Variants in DGKB observed in about 807,000 individuals in gnomAD.
The protein encoded by DGKB is 90 kDa diacylglycerol kinase.
Under a neutral mutation model 114.3 loss-of-function variants are expected in DGKB, and 67 were observed. That is an observed-to-expected ratio of 0.59 (90% CI 0.48 to 0.72). DGKB has a LOEUF of 0.72. Among genes scored for constraint, DGKB ranks in the 30% least tolerant of loss-of-function variants. DGKB has a pLI of 0.00. For missense variants in DGKB, 907 were observed against 975.2 expected (o/e 0.93, Z 0.93); for synonymous variants, 398 against 323.1 (o/e 1.23, Z -2.49).
rs188387918 is a variant in DGKB at position 14,844,974 on chromosome 7, G to T, written c.-187-3524C>A. Among the ~76,000 whole-genome samples, 7 of 152,036 alleles carry T rather than the reference G, an allele frequency of 4.6e-5. 1 individual carries two copies. The highest frequency in any genetic ancestry group is 1.7e-4 in the African/African-American group (7 of 41,472). On this transcript the variant is annotated intron_variant, in intron 1 of 25. Coordinates refer to ENST00000402815, the MANE Select transcript of DGKB (RefSeq NM_001350709.2). ...ATACAAAAATTAGCTGGGCATGGTAGCATGTGCCTGTAGTCCCAGCTACTC... is the reference window on the plus strand; with the variant it reads ...ATACAAAAATTAGCTGGGCATGGTATCATGTGCCTGTAGTCCCAGCTACTC...
At chr7:14,248,157 C>A (rs994581929) in intron 23 of DGKB, among the ~76,000 whole-genome samples, 1 of 152,014 alleles carries the variant, frequency 6.6e-6, no homozygotes, top group African/African-American at 2.4e-5. Flanking sequence ...ATCAATTGAC[C>A]ACAAATGAGT....
intron 20 of DGKB, among the ~76,000 whole-genome samples, chr7:14,559,035 CT>C (rs1423738035): frequency 6.6e-6 from 1 of 152,180 alleles, no homozygotes; most frequent in Non-Finnish European, 1.5e-5. Flanking sequence ...AAATATTCCC[CT>C]GGGAAAGCCC....
intron 1 of DGKB, among the ~76,000 whole-genome samples, chr7:14,889,414 A>G (rs1780824877): frequency 6.6e-6 from 1 of 151,622 alleles, no homozygotes; most frequent in South Asian, 2.1e-4. Flanking sequence ...GGCATTTCAG[A>G]TAAACACCTC....
At chr7:14,939,494 A>G (rs1221485809) in intron 1 of DGKB, among the ~76,000 whole-genome samples, 3 of 152,038 alleles carry the variant, frequency 2.0e-5, no homozygotes, top group African/African-American at 7.2e-5. Context: ...GAAATTGAGC[A>G]CTCTGACAGG....
intron 1 of DGKB, among the ~76,000 whole-genome samples, chr7:14,919,410 G>C (rs948236338): frequency 1.3e-5 from 2 of 152,128 alleles, no homozygotes; most frequent in African/African-American, 4.8e-5. Flanking sequence ...GGAAAAATTA[G>C]ATATCCATAT....
chr7:14,267,468 A>C (rs995074714), intron 23 of DGKB, among the ~76,000 whole-genome samples: 5 of 110,236 alleles, frequency 4.5e-5, no homozygotes, highest in African/African-American at 2.1e-4. Flanking sequence ...ATAAGTGCTT[A>C]TTTTTTTTTT....
At chr7:14,861,229 T>A (rs1419692263) in intron 1 of DGKB, among the ~76,000 whole-genome samples, 2 of 151,960 alleles carry the variant, frequency 1.3e-5, no homozygotes, top group African/African-American at 2.4e-5. Flanking sequence ...ACTTGAGGCA[T>A]CCAATAAGAT....
At chr7:14,888,656 G>T (rs561754919) in intron 1 of DGKB, among the ~76,000 whole-genome samples, 26 of 151,836 alleles carry the variant, frequency 1.7e-4, no homozygotes, top group African/African-American at 5.8e-4. Context: ...CAATCTAAAA[G>T]AGAATATTTG....
chr7:14,630,309 T>G (rs1388358766), intron 13 of DGKB, 41 bp from the exon 14 acceptor site: 1 of 1,503,028 alleles, frequency 6.7e-7, no homozygotes, highest in Non-Finnish European at 9.0e-7. Flanking sequence ...TGAAAAAGAG[T>G]CAAACTCAAA....
intron 17 of DGKB, among the ~76,000 whole-genome samples, chr7:14,603,293 G>A (rs1432428962): frequency 6.6e-6 from 1 of 152,012 alleles, no homozygotes; most frequent in Non-Finnish European, 1.5e-5. Flanking sequence ...ATAGAGTTGA[G>A]TGCTTCACTT....
At chr7:14,616,841 G>C (rs917759329) in intron 15 of DGKB, among the ~76,000 whole-genome samples, 97 of 151,804 alleles carry the variant, frequency 6.4e-4, no homozygotes, top group African/African-American at 2.3e-3. Context: ...CAAAAATACT[G>C]ATGAAGAGAG....
At chr7:14,729,958 G>C (rs943415433) in intron 5 of DGKB, among the ~76,000 whole-genome samples, 1 of 151,942 alleles carries the variant, frequency 6.6e-6, no homozygotes, top group Non-Finnish European at 1.5e-5. Flanking sequence ...TATTTAAAGG[G>C]GGCTAGGAAA....
intron 23 of DGKB, among the ~76,000 whole-genome samples, chr7:14,335,333 T>G (rs1810454508): frequency 6.6e-6 from 1 of 152,172 alleles, no homozygotes; most frequent in Non-Finnish European, 1.5e-5. Context: ...TAAATCCTTT[T>G]ATTAAATAAA....
chr7:14,602,173 A>G (rs1007316461), intron 17 of DGKB, among the ~76,000 whole-genome samples: 122 of 152,324 alleles, frequency 8.0e-4, no homozygotes, highest in African/African-American at 2.9e-3. Flanking sequence ...TATAAACAAC[A>G]GAAATGTTTT....
At position 14,736,923 on chromosome 7, in the gene DGKB, G is replaced by A. The variant is rs2128402031; in HGVS notation, c.169-729C>T. Among the ~76,000 whole-genome samples the A allele has an allele frequency of 1.3e-5, 2 of 152,318 alleles. 1 individual carries two copies. Among genetic ancestry groups the A allele is most frequent in the South Asian group, 4.1e-4 (2 of 4,832 alleles). On this transcript the variant is annotated intron_variant, in intron 4 of 25. Coordinates refer to ENST00000402815, the MANE Select transcript of DGKB (RefSeq NM_001350709.2). Reference sequence around the variant, plus strand: ...AGCTTAATGAGAGCGTTTCACAGGAGCCATAGTGAAGAGCTTGGTTTCTCC... The same window carrying A: ...AGCTTAATGAGAGCGTTTCACAGGAACCATAGTGAAGAGCTTGGTTTCTCC...
intron 17 of DGKB, among the ~76,000 whole-genome samples, chr7:14,600,467 C>T (rs1026190269): frequency 1.2e-4 from 18 of 152,130 alleles, no homozygotes; most frequent in African/African-American, 4.1e-4. Flanking sequence ...TTTCCAGCAT[C>T]AACTAAAAAG....
intron 7 of DGKB, among the ~76,000 whole-genome samples, chr7:14,700,212 ATTTTT>A (rs3071277): frequency 7.6e-6 from 1 of 131,184 alleles, no homozygotes; most frequent in African/African-American, 2.8e-5. Context: ...TTGAAAAAAA[ATTTTT>A]TTTTTTTTTT....
intron 6 of DGKB, among the ~76,000 whole-genome samples, chr7:14,711,976 C>T (rs1340981370): frequency 2.0e-5 from 3 of 152,124 alleles, no homozygotes; most frequent in Admixed American, 2.0e-4. Context: ...CTACTACCAT[C>T]AGAAAAGTTC....
At chr7:14,191,987 A>G in intron 23 of DGKB, 1 of 605,170 alleles carries the variant, frequency 1.7e-6, no homozygotes, top group Non-Finnish European at 2.8e-6. Context: ...GGTTCCTGGC[A>G]AGCTCCTGTG....
Sources: gnomAD v4.1 joint callset for allele counts (sites outside exome capture counted in the v4.1 genomes callset) on GRCh38, gnomAD v4.1.1 for gene constraint, MANE v1.5 for transcripts, NCBI Gene and HGNC (gene_info 2026-07-23, HGNC 2026-07-21) for gene names.